The following FAN1 variants were observed in gnomAD, a reference collection of about 807,000 sequenced individuals.
FAN1 encodes the protein FANCD2 and FANCI associated nuclease 1.
Under a neutral mutation model 104.9 loss-of-function variants are expected in FAN1, and 91 were observed. The ratio of observed to expected loss-of-function variants is 0.87; its 90% CI spans 0.73 to 1.03. The LOEUF is 1.03. Ranked by LOEUF, FAN1 falls within the 50% of genes least tolerant of loss-of-function variation. The pLI is 0.00. For missense variants in FAN1, 1,263 were observed against 1,239.9 expected (o/e 1.02, Z -0.28); for synonymous variants, 478 against 457.6 (o/e 1.04, Z -0.57).
At position 30,929,944 on chromosome 15, in the gene FAN1, A is replaced by AATATATATCATATATATAAAAT. The variant is rs1566931337; in HGVS notation, c.2787+552_2787+553insTATCATATATATAAAATATATA. 7.1e-4 allele frequency among the ~76,000 whole-genome samples: 77 copies of AATATATATCATATATATAAAAT among 107,786 alleles called. 4 individuals are homozygous for AATATATATCATATATATAAAAT. Among genetic ancestry groups the AATATATATCATATATATAAAAT allele is most frequent in the African/African-American group, 3.6e-3 (73 of 20,322 alleles). The allele number at this position is 107,786 out of a possible 152,430, so 70.7% of individuals were successfully genotyped here. On this transcript the variant is annotated intron_variant, in intron 12 of 14. Transcript: ENST00000362065. ...ATCATATATAATATATAAAATATATAATATAATATATATCATATAATATAT... is the reference window on the plus strand; with the variant it reads ...ATCATATATAATATATAAAATATATAATATATATCATATATATAAAATATATAATATATATCATATAATATAT...
intron 14 of FAN1, among the ~76,000 whole-genome samples, chr15:30,938,197 T>C (rs879236422): frequency 6.6e-6 from 1 of 151,252 alleles, no homozygotes; most frequent in Non-Finnish European, 1.5e-5. Context: ...AAAAAAAAAA[T>C]TTAAAAACTA....
At position 30,923,020 on chromosome 15, in the gene FAN1, C is replaced by A. The variant is rs1245445075; in HGVS notation, c.2172+666C>A. Among the ~76,000 whole-genome samples the A allele has an allele frequency of 2.6e-5, 4 of 152,204 alleles. 1 individual carries two copies. The highest frequency in any genetic ancestry group is 2.9e-5 in the Non-Finnish European group (2 of 68,028). On this transcript the variant is annotated intron_variant, in intron 8 of 14. Coordinates refer to ENST00000362065, the MANE Select transcript of FAN1 (RefSeq NM_014967.5). ...TTGTGTGGCCGCCAGCAGGCCCCTC[C>A]CTGTCTCTATTCCAGCCCTGCATTT...
rs1208615740 is a variant in FAN1 at position 30,910,174 on chromosome 15, A to G, written c.1376-440A>G. Among the ~76,000 whole-genome samples, 4 of 152,252 alleles carry G rather than the reference A, an allele frequency of 2.6e-5. No individual in the cohort carries two copies. The East Asian group carries it at 7.7e-4, about 29-fold the overall frequency. On this transcript the variant is annotated intron_variant, in intron 3 of 14. Coordinates refer to ENST00000362065, the MANE Select transcript of FAN1 (RefSeq NM_014967.5). ...GGCCAAGGTTGGTGTCGGGGCCCAC[A>G]GTAGCCGAACAGGCTCACGAATGCC...
At chr15:30,940,374 C>T (rs1435650547) in intron 14 of FAN1, 31 of 985,268 alleles carry the variant, frequency 3.1e-5, no homozygotes, top group Admixed American at 6.1e-5. Flanking sequence ...GCACTTCTGT[C>T]GCTATTCAAA....
chr15:30,939,670 AG>A (rs757216691), intron 14 of FAN1: 13 of 724,002 alleles, frequency 1.8e-5, no homozygotes, highest in Non-Finnish European at 2.2e-5. Flanking sequence ...ATAAACGTGA[AG>A]GAAGAAAATT....
intron 7 of FAN1, among the ~76,000 whole-genome samples, chr15:30,920,939 A>G (rs1236246267): frequency 6.6e-6 from 1 of 152,146 alleles, no homozygotes; most frequent in Admixed American, 6.5e-5. Context: ...GTGCGCCACC[A>G]TGCCTAGCTA....
intron 14 of FAN1, chr15:30,939,416 G>A (rs1352201242): frequency 3.0e-6 from 3 of 985,434 alleles, no homozygotes; most frequent in Non-Finnish European, 3.6e-6. Flanking sequence ...TCCCTCTGAC[G>A]GCAGAGGTGG....
chr15:30,911,108 T>C (rs1311225776), intron 4 of FAN1: 1 of 1,147,126 alleles, frequency 8.7e-7, no homozygotes, highest in Non-Finnish European at 1.1e-6. Context: ...AAGTGATTCT[T>C]ATGGGATTTT....
At chr15:30,927,384 A>G in intron 10 of FAN1, 1 of 985,554 alleles carries the variant, frequency 1.0e-6, no homozygotes, top group Non-Finnish European at 1.2e-6. Flanking sequence ...ACTTGGCAAC[A>G]GCCAGGAGTC....
At chr15:30,923,869 C>T (rs541426053) in intron 8 of FAN1, among the ~76,000 whole-genome samples, 9 of 152,240 alleles carry the variant, frequency 5.9e-5, no homozygotes, top group African/African-American at 2.2e-4. Flanking sequence ...CCCTAAAATA[C>T]AGCATTTTAG....
intron 13 of FAN1, among the ~76,000 whole-genome samples, chr15:30,936,284 A>G (rs1438438769): frequency 6.6e-6 from 1 of 152,148 alleles, no homozygotes; most frequent in Non-Finnish European, 1.5e-5. Context: ...GTTTAAGCTG[A>G]GCATTGAAAG....
At chr15:30,909,699 A>G (rs2062056757) in intron 3 of FAN1, among the ~76,000 whole-genome samples, 1 of 152,176 alleles carries the variant, frequency 6.6e-6, no homozygotes, top group South Asian at 2.1e-4. Flanking sequence ...CCCAGCCCTC[A>G]GTGTTCTTCA....
At chr15:30,922,819 C>A (rs2062366390) in intron 8 of FAN1, among the ~76,000 whole-genome samples, 1 of 152,224 alleles carries the variant, frequency 6.6e-6, no homozygotes, top group Non-Finnish European at 1.5e-5. Context: ...CTCTGTACTT[C>A]TGTGAGGTGT....
At chr15:30,922,190 AT>A in intron 7 of FAN1, 44 bp from the exon 8 acceptor site, 1 of 1,590,722 alleles carries the variant, frequency 6.3e-7, no homozygotes, top group Non-Finnish European at 8.5e-7. Flanking sequence ...TTGCAGCTGG[AT>A]TTTTTGTGAA....
chr15:30,914,029 G>T lies in FAN1; in HGVS notation c.1749G>T (p.Glu583Asp). The change falls in exon 5 of 15, where the codon GAG (glutamate) becomes GAT (aspartate). Residue 583 changes from glutamate (E) to aspartate (D), a missense_variant. By Grantham distance (45) the Glu-to-Asp change is conservative. This residue lies in a region of FAN1 where 581 missense variants were observed against 668.8 expected (regional missense o/e 0.87). Coordinates refer to ENST00000362065, the MANE Select transcript of FAN1 (RefSeq NM_014967.5). ...TVLLVNLGRMEFPSYTINRKT... is the reference protein window; with the variant it reads ...TVLLVNLGRMDFPSYTINRKT... ...TGTTGGTCAACCTCGGCCGAATGGA[G>T]TTTCCTAGTTACACCATCAATCGGA... 1 of 1,614,154 alleles carries T rather than the reference G, an allele frequency of 6.2e-7. No homozygotes were observed. The highest frequency in any genetic ancestry group is 1.1e-5 in the South Asian group (1 of 91,086).
chr15:30,938,978 TC>T, intron 14 of FAN1: 1 of 985,350 alleles, frequency 1.0e-6, no homozygotes, highest in Non-Finnish European at 1.2e-6. Flanking sequence ...CATCAAAATT[TC>T]CTTCACATTC....
intron 7 of FAN1, 37 bp downstream of exon 7, chr15:30,920,690 T>C: frequency 1.6e-6 from 2 of 1,213,824 alleles, no homozygotes; most frequent in Middle Eastern, 1.9e-4. Context: ...CCATTACTGA[T>C]GTGATGGCGT....
At chr15:30,921,394 A>T (rs569223218) in intron 7 of FAN1, among the ~76,000 whole-genome samples, 9 of 152,244 alleles carry the variant, frequency 5.9e-5, no homozygotes, top group Non-Finnish European at 1.2e-4. Flanking sequence ...GAGACAATTT[A>T]TAATCACAAA....
intron 2 of FAN1, among the ~76,000 whole-genome samples, 154 bp downstream of exon 2, chr15:30,906,051 C>T (rs1293204047): frequency 2.0e-5 from 3 of 151,896 alleles, no homozygotes; most frequent in East Asian, 1.9e-4. Flanking sequence ...GGAGCATAGT[C>T]GAAGGTTTTA....
Sources: gnomAD v4.1 joint callset for allele counts (sites outside exome capture counted in the v4.1 genomes callset) on GRCh38, gnomAD v4.1.1 for gene constraint, gnomAD v4.1.1 regional missense constraint, MANE v1.5 for transcripts, NCBI Gene and HGNC (gene_info 2026-07-23, HGNC 2026-07-21) for gene names.